Variants in STK3 observed in about 807,000 individuals in gnomAD.
The protein encoded by STK3 is serine/threonine-protein kinase 3.
In STK3, 41 loss-of-function variants were observed where a neutral mutation model predicts 58.0. That is an observed-to-expected ratio of 0.71 (90% CI 0.55 to 0.92). The LOEUF is 0.92. Ranked by LOEUF, STK3 falls within the 40% of genes least tolerant of loss-of-function variation. The pLI is 0.00. For synonymous variants in STK3, 170 were observed against 191.0 expected, an observed-to-expected ratio of 0.89 and a Z score of 0.91; for missense variants, 479 against 602.7, an observed-to-expected ratio of 0.79 and a Z score of 2.15.
chr8:98,614,445 C>A (rs187216101), intron 6 of STK3, among the ~76,000 whole-genome samples: 1 of 152,062 alleles, frequency 6.6e-6, no homozygotes. Flanking sequence ...ATGTCTCGAT[C>A]GGGGGAGGAG....
At chr8:98,807,222 G>T (rs1294175337) in intron 1 of STK3, among the ~76,000 whole-genome samples, 1 of 151,580 alleles carries the variant, frequency 6.6e-6, no homozygotes. Context: ...CCTTTAAGGA[G>T]ACAGTAATCA....
chr8:98,829,409 C>T (rs1473725960), upstream of STK3, among the ~76,000 whole-genome samples: 1 of 152,168 alleles, frequency 6.6e-6, no homozygotes, highest in Non-Finnish European at 1.5e-5. Context: ...TTGACTGATA[C>T]ACCCATAAAG....
chr8:98,386,179 T>C (rs917580084), intron 1 of STK3, among the ~76,000 whole-genome samples: 1 of 152,204 alleles, frequency 6.6e-6, no homozygotes, highest in Non-Finnish European at 1.5e-5. Context: ...TAAAATGATA[T>C]ATATATTTGC....
chr8:98,909,892 A>G (rs1452889577), intron 1 of STK3, among the ~76,000 whole-genome samples: 1 of 152,182 alleles, frequency 6.6e-6, no homozygotes, highest in African/African-American at 2.4e-5. Flanking sequence ...ATATGGTAAT[A>G]CTATGTTTAA....
chr8:98,702,091 A>C (rs1587354841), intron 6 of STK3, among the ~76,000 whole-genome samples: 2 of 152,284 alleles, frequency 1.3e-5, no homozygotes, highest in African/African-American at 4.8e-5. Context: ...CATATACTAC[A>C]AGTTTCTTTG....
At chr8:98,762,696 T>G (rs1830704412) in intron 3 of STK3, among the ~76,000 whole-genome samples, 1 of 152,256 alleles carries the variant, frequency 6.6e-6, no homozygotes, top group Non-Finnish European at 1.5e-5. Flanking sequence ...TATCTTTGTT[T>G]AGATATGAAA....
At chr8:98,385,189 T>A (rs1262522221) in intron 1 of STK3, among the ~76,000 whole-genome samples, 1 of 151,976 alleles carries the variant, frequency 6.6e-6, no homozygotes, top group Non-Finnish European at 1.5e-5. Flanking sequence ...CTGTTGTGCC[T>A]TCCTCCCACA....
Position 98,572,360 on chromosome 8 carries a change from G to C in STK3, c.948+7304C>G, listed in dbSNP as rs9642952. ...TGTGTTCATTTAGTCAAAAATGAAT[G>C]TAAATTTTATAAAAAATATTTTACT... On this transcript the variant is annotated intron_variant, in intron 8 of 10. Transcript: ENST00000419617. Among the ~76,000 whole-genome samples the C allele has an allele frequency of 7.4e-4, 112 of 152,130 alleles. No homozygotes were observed. The East Asian group carries it at 0.02, about 27-fold the overall frequency.
chr8:98,738,945 C>T (rs1828899341), intron 4 of STK3, among the ~76,000 whole-genome samples: 1 of 152,256 alleles, frequency 6.6e-6, no homozygotes. Context: ...TTATATCCCA[C>T]ACCTGGCTCG....
intron 8 of STK3, among the ~76,000 whole-genome samples, chr8:98,574,490 A>G (rs1453166149): frequency 1.3e-5 from 2 of 152,180 alleles, no homozygotes; most frequent in Non-Finnish European, 2.9e-5. Flanking sequence ...CAGGGCTTCT[A>G]AGAAGCTTAA....
At chr8:98,683,839 C>T (rs1823797668) in intron 6 of STK3, among the ~76,000 whole-genome samples, 1 of 152,094 alleles carries the variant, frequency 6.6e-6, no homozygotes, top group Non-Finnish European at 1.5e-5. Context: ...CAAAACACTA[C>T]CCTAAATACA....
intron 3 of STK3, among the ~76,000 whole-genome samples, chr8:98,763,111 T>C (rs1218734299): frequency 6.6e-6 from 1 of 152,240 alleles, no homozygotes; most frequent in Non-Finnish European, 1.5e-5. Flanking sequence ...CTCATTCTAC[T>C]CAATTCTTCA....
At chr8:98,863,843 T>C (rs529102459) in intron 3 of STK3, among the ~76,000 whole-genome samples, 5 of 152,274 alleles carry the variant, frequency 3.3e-5, no homozygotes, top group African/African-American at 1.2e-4. Flanking sequence ...ATCAGGCATG[T>C]GACTAATTTA....
chr8:98,938,679 C>T (rs1188805627), intron 1 of STK3, among the ~76,000 whole-genome samples: 1 of 152,226 alleles, frequency 6.6e-6, no homozygotes, highest in South Asian at 2.1e-4. Flanking sequence ...ACTCTGAGCC[C>T]TGGCCCACCC....
intron 6 of STK3, among the ~76,000 whole-genome samples, chr8:98,632,242 T>C (rs1819304800): frequency 6.6e-6 from 1 of 152,206 alleles, no homozygotes; most frequent in Non-Finnish European, 1.5e-5. Flanking sequence ...ATAGAAGGCT[T>C]GACAGTAAAT....
chr8:98,879,942 C>G (rs1837733641), downstream of STK3: 1 of 152,104 alleles, frequency 6.6e-6, no homozygotes. Flanking sequence ...TGCTTTTTGT[C>G]TAACATCATT....
At chr8:98,585,162 G>A (rs1471487317) in intron 7 of STK3, among the ~76,000 whole-genome samples, 1 of 150,876 alleles carries the variant, frequency 6.6e-6, no homozygotes, top group African/African-American at 2.4e-5. Flanking sequence ...AGACATGAAG[G>A]CCTTGCCCAT....
At chr8:98,732,435 G>C (rs1161114707) in intron 4 of STK3, among the ~76,000 whole-genome samples, 1 of 152,156 alleles carries the variant, frequency 6.6e-6, no homozygotes, top group East Asian at 1.9e-4. Flanking sequence ...CTAGATGTTA[G>C]AAGATAAATG....
At chr8:98,922,075 T>A (rs1839587689) in intron 1 of STK3, among the ~76,000 whole-genome samples, 1 of 152,318 alleles carries the variant, frequency 6.6e-6, no homozygotes, top group Non-Finnish European at 1.5e-5. Context: ...TAGCCAGTTC[T>A]GGCCAATAAG....
Sources: gnomAD v4.1 joint callset for allele counts (sites outside exome capture counted in the v4.1 genomes callset) on GRCh38, gnomAD v4.1.1 for gene constraint, MANE v1.5 for transcripts, NCBI Gene and HGNC (gene_info 2026-07-23, HGNC 2026-07-21) for gene names.